Variants in BRSK2 observed in about 807,000 individuals in gnomAD.
BRSK2 encodes the protein BR serine/threonine kinase 2, also known as serine/threonine-protein kinase BRSK2.
A neutral mutation model predicts 83.3 loss-of-function variants in BRSK2; 19 were observed. That is an observed-to-expected ratio of 0.23 (90% CI 0.16 to 0.33). The LOEUF is 0.33. Among genes scored for constraint, BRSK2 ranks in the 10% least tolerant of loss-of-function variants. BRSK2 has a pLI of 1.00. For missense variants in BRSK2, 798 were observed against 1,042.3 expected (o/e 0.77, Z 3.23); for synonymous variants, 519 against 435.4 (o/e 1.19, Z -2.39).
At position 1,436,115 on chromosome 11, in the gene BRSK2, G is replaced by C; in HGVS notation, c.167G>C (p.Ser56Thr). ...AIKIVNREKL[S>T]ESVLMKVERE... is the part of the protein sequence containing the mutation. Reference sequence around the variant, plus strand: ...AAGATCGTCAACCGTGAGAAGCTCAGCGAGTCGGTGCTGATGAAGGTGGGT... The same window carrying C: ...AAGATCGTCAACCGTGAGAAGCTCACCGAGTCGGTGCTGATGAAGGTGGGT... Residue 56 changes from serine to threonine, a missense_variant, in exon 2 of 20, where the codon AGC (serine) becomes ACC (threonine). By Grantham distance (58) the Ser-to-Thr change is moderately conservative. Transcript: ENST00000528841. 1 of 1,594,116 alleles carries C rather than the reference G, an allele frequency of 6.3e-7. No homozygotes were observed. Among genetic ancestry groups the C allele is most frequent in the South Asian group, 1.1e-5 (1 of 88,534 alleles).
intron 1 of BRSK2, among the ~76,000 whole-genome samples, chr11:1,405,335 T>G (rs1254841531): frequency 6.6e-6 from 1 of 152,008 alleles, no homozygotes; most frequent in African/African-American, 2.4e-5. Flanking sequence ...GTGTGTGTGG[T>G]GTGTCTGCAT....
Position 1,454,318 on chromosome 11 carries a change from TAGGGCGTTGGGGTC to T in BRSK2, c.1545-161_1545-148del. ...ATGGTCAGGGCATATGGGCTAGGGTTAGGGCGTTGGGGTCAGGGCCATGGGTTCTGGCTAGCACT... is the reference window on the plus strand; with the variant it reads ...ATGGTCAGGGCATATGGGCTAGGGTTAGGGCCATGGGTTCTGGCTAGCACT... On this transcript the variant is annotated intron_variant, in intron 15 of 19. Transcript: ENST00000528841. This position sits in a 1 kb window ranked among gnomAD's most constrained non-coding sequence, Gnocchi z 5.2. 1.3e-6 allele frequency: 1 copy of T among 752,506 alleles called. No homozygotes were observed. The highest frequency in any genetic ancestry group is 2.2e-6 in the Non-Finnish European group (1 of 453,322). 46.6% of individuals were successfully genotyped at this position (752,506 alleles called of 1,614,324 possible).
At chr11:1,445,969 C>T in intron 12 of BRSK2, 62 bp downstream of exon 12, 1 of 1,527,464 alleles carries the variant, frequency 6.5e-7, no homozygotes, top group South Asian at 1.2e-5. Context: ...GGCACTGCCG[C>T]CTGGCTCATC....
In BRSK2 at chr11:1,460,721, T is replaced by C. The variant is rs1847376709; in HGVS notation, c.2209T>C (p.Ter737GlnextTer3). 1.4e-6 allele frequency: 2 copies of C among 1,423,342 alleles called. No individual in the cohort carries two copies. The highest frequency in any genetic ancestry group is 2.7e-5 in the East Asian group (1 of 37,580). The allele number at this position is 1,423,342 out of a possible 1,614,324, so 88.2% of individuals were successfully genotyped here. ...GPPTARREQP[*>Q] ...GCCCACCGCCCGCCGCGAGCAGCCT[T>C]AGACACACTAGCCCCCCCCCCCAGC... Residue 737 changes from the stop codon to glutamine, a stop_lost, in exon 20 of 20, where the codon TAG (stop) becomes CAG (glutamine). Coordinates refer to ENST00000528841, the MANE Select transcript of BRSK2 (RefSeq NM_001256627.2).
chr11:1,439,495 C>T (rs796621798), intron 3 of BRSK2, among the ~76,000 whole-genome samples: 16 of 130,956 alleles, frequency 1.2e-4, no homozygotes, highest in South Asian at 5.4e-4. Context: ...GACACGGTGC[C>T]GGTGCAGTGG....
chr11:1,394,442 A>G (rs1845932098), intron 1 of BRSK2, among the ~76,000 whole-genome samples: 2 of 56,500 alleles, frequency 3.5e-5, no homozygotes, highest in Admixed American at 1.4e-4. Context: ...GGTCCTGGAG[A>G]TGGGTCCTGG....
intron 1 of BRSK2, among the ~76,000 whole-genome samples, chr11:1,421,419 C>T (rs1848616861): frequency 2.6e-5 from 4 of 152,138 alleles, no homozygotes; most frequent in Admixed American, 2.6e-4. Flanking sequence ...ATCTGGTCCC[C>T]AGTGGGAGCT....
At chr11:1,394,725 ATGGAGATGGGTCC>A (rs1486514644) in intron 1 of BRSK2, among the ~76,000 whole-genome samples, 1 of 78,010 alleles carries the variant, frequency 1.3e-5, no homozygotes, top group Admixed American at 1.4e-4. Flanking sequence ...GAGATGGGCC[ATGGAGATGGGTCC>A]TGGAGATGGG....
rs1347869075 is a variant in BRSK2 at position 1,454,760 on chromosome 11, G to A, written c.1668+152G>A. On this transcript the variant is annotated intron_variant, in intron 16 of 19. Coordinates refer to ENST00000528841, the MANE Select transcript of BRSK2 (RefSeq NM_001256627.2). The surrounding 1 kb of genome is among the most constrained non-coding windows in gnomAD (Gnocchi z 5.2). ...GTGGGCCTGCCTGGCCGCCTTCACTGGACAGGCGCTCTCTCCTGCCCACCC... is the reference window on the plus strand; with the variant it reads ...GTGGGCCTGCCTGGCCGCCTTCACTAGACAGGCGCTCTCTCCTGCCCACCC... 7.4e-5 allele frequency: 77 copies of A among 1,038,616 alleles called. No individual in the cohort carries two copies. The allele number at this position is 1,038,616 out of a possible 1,614,324, so 64.3% of individuals were successfully genotyped here.
At chr11:1,403,989 G>A (rs953069377) in intron 1 of BRSK2, among the ~76,000 whole-genome samples, 3 of 152,190 alleles carry the variant, frequency 2.0e-5, no homozygotes, top group Non-Finnish European at 4.4e-5. Flanking sequence ...AATGGGGTGA[G>A]CCTGGCCTGG....
intron 1 of BRSK2, among the ~76,000 whole-genome samples, chr11:1,427,208 C>T (rs911037524): frequency 7.9e-5 from 12 of 152,186 alleles, no homozygotes; most frequent in African/African-American, 2.2e-4. Context: ...ACTGCCCCTC[C>T]AGAAAGTGCC....
At chr11:1,411,500 C>T in intron 1 of BRSK2, 1 of 1,496,896 alleles carries the variant, frequency 6.7e-7, no homozygotes, top group African/African-American at 1.4e-5. Context: ...CCAGGTCTGG[C>T]CCAGCGGTGG....
chr11:1,407,770 C>T (rs534988045), intron 1 of BRSK2, among the ~76,000 whole-genome samples: 37 of 152,354 alleles, frequency 2.4e-4, no homozygotes, highest in African/African-American at 7.9e-4. Flanking sequence ...CAACTGGCTC[C>T]GCTGGGATTG....
At chr11:1,448,856 C>T (rs946458511) in intron 12 of BRSK2, among the ~76,000 whole-genome samples, 17 of 152,238 alleles carry the variant, frequency 1.1e-4, no homozygotes, top group Non-Finnish European at 2.2e-4. Context: ...GTGTGGCCAG[C>T]GTGGCACTCT....
chr11:1,438,059 T>C lies in BRSK2; in HGVS notation c.187-247T>C. Among the ~76,000 whole-genome samples, 1 of 122,230 alleles carries C rather than the reference T, an allele frequency of 8.2e-6. No individual in the cohort carries two copies. The highest frequency in any genetic ancestry group is 2.4e-4 in the East Asian group (1 of 4,210). The allele number at this position is 122,230 out of a possible 152,430, so 80.2% of individuals were successfully genotyped here. Reference sequence around the variant, plus strand: ...ACAGCTGGCACCAAAGGCCCCTGCGTCCCCCACAGCTGGCACCAAAGGCCC... The same window carrying C: ...ACAGCTGGCACCAAAGGCCCCTGCGCCCCCCACAGCTGGCACCAAAGGCCC... On this transcript the variant is annotated intron_variant, in intron 2 of 19. Coordinates refer to ENST00000528841, the MANE Select transcript of BRSK2 (RefSeq NM_001256627.2). The surrounding 1 kb of genome is among the most constrained non-coding windows in gnomAD (Gnocchi z 6.4).
Position 1,454,249 on chromosome 11 carries a change from CTTGGAGAAAGGTTAGGG to C in BRSK2, c.1545-231_1545-215del. ...ATGGGCCAGGGTCAGGGCGTTAGGG[CTTGGAGAAAGGTTAGGG>C]TTGGGGTTGGGGTTAGAGCCACGGT... On this transcript the variant is annotated intron_variant, in intron 15 of 19. Coordinates refer to ENST00000528841, the MANE Select transcript of BRSK2 (RefSeq NM_001256627.2). This position sits in a 1 kb window ranked among gnomAD's most constrained non-coding sequence, Gnocchi z 5.2. The C allele has an allele frequency of 2.2e-6, 1 of 452,430 alleles. No homozygotes were observed. Among genetic ancestry groups the C allele is most frequent in the South Asian group, 2.4e-5 (1 of 42,314 alleles). The allele number at this position is 452,430 out of a possible 1,614,324, so 28.0% of individuals were successfully genotyped here.
chr11:1,449,167 C>T (rs1845492266), intron 12 of BRSK2, among the ~76,000 whole-genome samples: 1 of 152,244 alleles, frequency 6.6e-6, no homozygotes, highest in African/African-American at 2.4e-5. Context: ...CGGGCCAGGG[C>T]CTCCCTCCTG....
In BRSK2 at chr11:1,461,982, G is replaced by A. The variant is rs1847556103; in HGVS notation, c.*1259G>A. On this transcript the variant is annotated 3_prime_UTR_variant, in exon 20 of 20. Coordinates refer to ENST00000528841, the MANE Select transcript of BRSK2 (RefSeq NM_001256627.2). ...GGCAGCGCCAGCGCCCCTCTGTCAG[G>A]CTGGGGCAATCTTGGTTTTGTGTCC... 1.3e-5 allele frequency: 2 copies of A among 152,212 alleles called. No homozygotes were observed. Among genetic ancestry groups the A allele is most frequent in the African/African-American group, 2.4e-5 (1 of 41,452 alleles). 9.4% of individuals were successfully genotyped at this position (152,212 alleles called of 1,614,324 possible).
chr11:1,393,397 C>T (rs1364288729), intron 1 of BRSK2, among the ~76,000 whole-genome samples: 3 of 151,854 alleles, frequency 2.0e-5, no homozygotes, highest in Non-Finnish European at 2.9e-5. Flanking sequence ...TGGGGGCAGG[C>T]GGGTGGGCTG....
Sources: gnomAD v4.1 joint callset for allele counts (sites outside exome capture counted in the v4.1 genomes callset) on GRCh38, gnomAD v4.1.1 for gene constraint, Gnocchi (gnomAD v3.1) non-coding constraint, MANE v1.5 for transcripts, NCBI Gene and HGNC (gene_info 2026-07-23, HGNC 2026-07-21) for gene names.